CBFA2T2: variants seen among roughly 807,000 people sequenced by gnomAD.
CBFA2T2 encodes the protein protein CBFA2T2.
Under a neutral mutation model 62.2 loss-of-function variants are expected in CBFA2T2, and 11 were observed. The ratio of observed to expected loss-of-function variants is 0.18; its 90% CI spans 0.11 to 0.29. The LOEUF (loss-of-function observed/expected upper bound fraction) is 0.29. Among genes scored for constraint, CBFA2T2 ranks in the 10% least tolerant of loss-of-function variants. The pLI is 1.00. For synonymous variants in CBFA2T2, 295 were observed against 287.5 expected (o/e 1.03, Z -0.27); for missense variants, 592 against 774.1 (o/e 0.76, Z 2.79).
At chr20:33,536,481 C>G (rs533254963) in intron 1 of CBFA2T2, among the ~76,000 whole-genome samples, 1 of 151,084 alleles carries the variant, frequency 6.6e-6, no homozygotes, top group East Asian at 2.0e-4. Flanking sequence ...GGGGCTGACC[C>G]CCACCTCCCT....
At chr20:33,579,818 T>TC (rs1491577026) in intron 1 of CBFA2T2, among the ~76,000 whole-genome samples, 989 of 29,400 alleles carry the variant, frequency 0.034, 13 homozygotes, top group African/African-American at 0.12. Context: ...TCTCTCTCTC[T>TC]TTTTTTTTTT....
chr20:33,583,926 ATTTATTTGTTTG>A (rs906927483), intron 1 of CBFA2T2, among the ~76,000 whole-genome samples: 1 of 151,216 alleles, frequency 6.6e-6, no homozygotes, highest in African/African-American at 2.4e-5. Context: ...TTATTTATTT[ATTTATTTGTTTG>A]TTTGTTTGTT....
intron 1 of CBFA2T2, among the ~76,000 whole-genome samples, chr20:33,565,967 T>A (rs1231247211): frequency 6.6e-6 from 1 of 152,180 alleles, no homozygotes; most frequent in African/African-American, 2.4e-5. Flanking sequence ...GAAAGATTGG[T>A]TGGGTCAGTT....
chr20:33,644,667 T>C lies in CBFA2T2; in HGVS notation c.*21T>C. On this transcript the variant is annotated 3_prime_UTR_variant, in exon 11 of 11. Coordinates refer to ENST00000342704, the MANE Select transcript of CBFA2T2 (RefSeq NM_001032999.3). Reference sequence around the variant, plus strand: ...TCTGAGCCCCGGACTCTGCTTACCCTGATGGCTGCTCAGCACCACAGAGTG... The same window carrying C: ...TCTGAGCCCCGGACTCTGCTTACCCCGATGGCTGCTCAGCACCACAGAGTG... The C allele has an allele frequency of 6.3e-7, 1 of 1,576,598 alleles. No homozygotes were observed. The highest frequency in any genetic ancestry group is 8.6e-7 in the Non-Finnish European group (1 of 1,156,186).
chr20:33,582,546 C>A (rs34029352), intron 1 of CBFA2T2, among the ~76,000 whole-genome samples: 58 of 151,894 alleles, frequency 3.8e-4, no homozygotes, highest in Non-Finnish European at 7.1e-4. Flanking sequence ...ACAGGCCGGG[C>A]GCGGTGGCGT....
At chr20:33,515,182 C>A (rs2011578106) in intron 1 of CBFA2T2, among the ~76,000 whole-genome samples, 1 of 151,624 alleles carries the variant, frequency 6.6e-6, no homozygotes, top group African/African-American at 2.4e-5. Flanking sequence ...GAAATCCTGT[C>A]TCTACTAAAA....
At chr20:33,557,305 G>A (rs1042804188) in intron 1 of CBFA2T2, among the ~76,000 whole-genome samples, 1 of 152,094 alleles carries the variant, frequency 6.6e-6, no homozygotes, top group East Asian at 1.9e-4. Context: ...GAGCCACTGC[G>A]CCCAGCTGTG....
At position 33,606,984 on chromosome 20, in the gene CBFA2T2, G is replaced by A; in HGVS notation, c.63G>A (p.Met21Ile). 6.2e-7 allele frequency: 1 copy of A among 1,613,910 alleles called. No homozygotes were observed. Among genetic ancestry groups the A allele is most frequent in the Non-Finnish European group, 8.5e-7 (1 of 1,179,868 alleles). ...QLGPEKRVPA[M>I]PGSPVEVKIQ... The stretch of plus-strand genomic sequence containing the variant: ...GTCCTGAGAAAAGGGTGCCAGCGAT[G>A]CCTGGATCGCCTGTGGAAGTGAAGA... Residue 21 changes from methionine to isoleucine, a missense_variant, in exon 2 of 11, where the codon ATG (methionine) becomes ATA (isoleucine). Met to Ile is a conservative substitution (Grantham distance 10). This residue lies in a region of CBFA2T2 where 449 missense variants were observed against 551.2 expected (regional missense o/e 0.81). Transcript: ENST00000342704.
chr20:33,586,691 C>T (rs2014385554), intron 1 of CBFA2T2, among the ~76,000 whole-genome samples: 1 of 151,932 alleles, frequency 6.6e-6, no homozygotes, highest in African/African-American at 2.4e-5. Context: ...CATAAAGGGC[C>T]AAGGTGACGT....
At chr20:33,508,306 G>C (rs141215996) in intron 1 of CBFA2T2, among the ~76,000 whole-genome samples, 1 of 152,096 alleles carries the variant, frequency 6.6e-6, no homozygotes, top group Non-Finnish European at 1.5e-5. Context: ...TGTTGCTCAG[G>C]CTGGTGTCAA....
chr20:33,543,772 A>G (rs2012466243), intron 1 of CBFA2T2, among the ~76,000 whole-genome samples: 1 of 152,172 alleles, frequency 6.6e-6, no homozygotes, highest in African/African-American at 2.4e-5. Flanking sequence ...CAAGTAGAAG[A>G]CAGGCAACAT....
chr20:33,624,098 T>C, intron 5 of CBFA2T2: 1 of 520,112 alleles, frequency 1.9e-6, no homozygotes, highest in African/African-American at 1.9e-5. Flanking sequence ...TGCCAATGAC[T>C]CACCTTTACT....
intron 8 of CBFA2T2, among the ~76,000 whole-genome samples, chr20:33,635,678 G>A (rs1363944578): frequency 2.0e-5 from 3 of 152,102 alleles, no homozygotes; most frequent in Non-Finnish European, 4.4e-5. Context: ...GACCTGTCTG[G>A]AAACCCTGAG....
chr20:33,500,104 C>T (rs1434051290), intron 1 of CBFA2T2, among the ~76,000 whole-genome samples: 3 of 152,042 alleles, frequency 2.0e-5, no homozygotes, highest in Non-Finnish European at 2.9e-5. Context: ...ACTACAGGCG[C>T]CCGTCACCAC....
chr20:33,640,584 C>T (rs988234977), intron 10 of CBFA2T2, 53 bp downstream of exon 10: 17 of 1,519,026 alleles, frequency 1.1e-5, no homozygotes, highest in African/African-American at 4.1e-5. Context: ...TGACCACGCC[C>T]GCTGCCTTCC....
At chr20:33,493,073 T>TG (rs1241215320) in intron 1 of CBFA2T2, among the ~76,000 whole-genome samples, 6 of 142,498 alleles carry the variant, frequency 4.2e-5, no homozygotes. Flanking sequence ...TTTTGGTTTT[T>TG]TTTTTTTTTT....
At chr20:33,588,549 C>T (rs1295851706) in intron 1 of CBFA2T2, among the ~76,000 whole-genome samples, 3 of 152,098 alleles carry the variant, frequency 2.0e-5, no homozygotes, top group South Asian at 2.1e-4. Flanking sequence ...ATTATATTTT[C>T]CTTTATTCCT....
intron 1 of CBFA2T2, chr20:33,600,531 C>T (rs949861249): frequency 2.6e-6 from 1 of 377,586 alleles, no homozygotes; most frequent in South Asian, 1.9e-5. Context: ...AGAACATTTA[C>T]CTATGCTTGG....
chr20:33,512,303 A>G (rs1344727626), intron 1 of CBFA2T2, among the ~76,000 whole-genome samples: 1 of 152,174 alleles, frequency 6.6e-6, no homozygotes, highest in African/African-American at 2.4e-5. Flanking sequence ...GTGAACCAAG[A>G]TGGGGCTACT....
Sources: allele counts gnomAD v4.1 joint callset (sites outside exome capture counted in the v4.1 genomes callset), GRCh38; gene constraint gnomAD v4.1.1; regional missense constraint gnomAD v4.1.1; transcripts MANE v1.5; gene names NCBI Gene and HGNC (gene_info 2026-07-23, HGNC 2026-07-21).